The following TRABD2A variants were observed in gnomAD, a reference collection of about 807,000 sequenced individuals.
TRABD2A encodes TraB domain containing 2A, also known as metalloprotease TIKI1.
In TRABD2A, 43 loss-of-function variants were observed where a neutral mutation model predicts 45.6. That is an observed-to-expected ratio of 0.94 (90% CI 0.74 to 1.22). TRABD2A has a LOEUF of 1.22. Among genes scored for constraint, TRABD2A ranks in the 50% most tolerant of loss-of-function variants. The pLI is 0.00. For missense variants in TRABD2A, 642 were observed against 652.4 expected, an observed-to-expected ratio of 0.98 and a Z score of 0.17; for synonymous variants, 269 against 265.0, an observed-to-expected ratio of 1.02 and a Z score of -0.15.
At chr2:84,848,363 TAGATAGATAGATAGACAGAC>T (rs760755788) in intron 2 of TRABD2A, among the ~76,000 whole-genome samples, 2 of 137,424 alleles carry the variant, frequency 1.5e-5, no homozygotes, top group South Asian at 2.3e-4. Flanking sequence ...GATAGATAGA[TAGATAGATAGATAGACAGAC>T]AGACAGACAG....
At chr2:84,850,013 T>A (rs1465908843) in intron 2 of TRABD2A, among the ~76,000 whole-genome samples, 4 of 152,140 alleles carry the variant, frequency 2.6e-5, no homozygotes, top group Non-Finnish European at 5.9e-5. Context: ...AAATTCACAT[T>A]TTAAGTTTCC....
intron 2 of TRABD2A, among the ~76,000 whole-genome samples, chr2:84,855,155 G>A (rs1040786349): frequency 1.3e-5 from 2 of 151,996 alleles, no homozygotes; most frequent in Non-Finnish European, 2.9e-5. Context: ...CTTTAAAATC[G>A]TCCACAAGCA....
intron 2 of TRABD2A, among the ~76,000 whole-genome samples, chr2:84,859,063 C>T (rs1329583051): frequency 3.3e-5 from 5 of 152,194 alleles, no homozygotes; most frequent in Non-Finnish European, 7.3e-5. Flanking sequence ...AGCCACACAC[C>T]GACTACTGCC....
Position 84,870,631 on chromosome 2 carries a change from A to G in TRABD2A, c.263T>C (p.Leu88Ser). ...GATGGTATAGGGGTCTGTGAGATCC[A>G]ACTCAAAGTACACAATGCTGCTCTG... ...FLQSSIVYFELDLTDPYTISA... is the reference protein window; with the variant it reads ...FLQSSIVYFESDLTDPYTISA... Residue 88 changes from leucine (L) to serine (S), a missense_variant, in exon 2 of 7, where the codon TTG becomes TCG. Coordinates refer to ENST00000409520, the MANE Select transcript of TRABD2A (RefSeq NM_001277053.2). 6.2e-7 allele frequency: 1 copy of G among 1,612,848 alleles called. No homozygotes were observed. Among genetic ancestry groups the G allele is most frequent in the Non-Finnish European group, 8.5e-7 (1 of 1,179,426 alleles).
At chr2:84,831,231 C>T (rs540828819) in intron 5 of TRABD2A, among the ~76,000 whole-genome samples, 32 of 152,108 alleles carry the variant, frequency 2.1e-4, no homozygotes, top group African/African-American at 7.2e-4. Context: ...GAAGAGAAGG[C>T]GGCCATCTAC....
intron 2 of TRABD2A, among the ~76,000 whole-genome samples, chr2:84,855,648 C>G (rs973960799): frequency 6.6e-6 from 1 of 152,058 alleles, no homozygotes; most frequent in African/African-American, 2.4e-5. Flanking sequence ...CCCCACGTCC[C>G]CCTTTCCACT....
At chr2:84,863,237 A>ATTTTTTTTTTTTTTT (rs1559095739) in intron 2 of TRABD2A, among the ~76,000 whole-genome samples, 1 of 129,544 alleles carries the variant, frequency 7.7e-6, no homozygotes, top group African/African-American at 3.2e-5. Context: ...CTTCATGTGA[A>ATTTTTTTTTTTTTTT]TCTTTTTTTT....
At chr2:84,861,321 G>A (rs941066359) in intron 2 of TRABD2A, among the ~76,000 whole-genome samples, 4 of 152,066 alleles carry the variant, frequency 2.6e-5, no homozygotes, top group Admixed American at 6.6e-5. Flanking sequence ...AGTAGAATCC[G>A]TAGGAGCCCT....
intron 2 of TRABD2A, among the ~76,000 whole-genome samples, chr2:84,860,331 G>A (rs559015556): frequency 6.6e-5 from 10 of 152,196 alleles, no homozygotes; most frequent in Admixed American, 2.6e-4. Flanking sequence ...TGAAAAGGGC[G>A]GGCCATAATC....
intron 2 of TRABD2A, among the ~76,000 whole-genome samples, chr2:84,857,353 C>A (rs1039816153): frequency 1.3e-5 from 2 of 152,148 alleles, no homozygotes; most frequent in Admixed American, 6.5e-5. Context: ...AGGTAAGTTT[C>A]CTTTACATTT....
intron 4 of TRABD2A, chr2:84,832,992 T>C (rs1449893950): frequency 6.6e-6 from 1 of 152,234 alleles, no homozygotes; most frequent in African/African-American, 2.4e-5. Context: ...AAACCCACTG[T>C]AGTCTCAGGA....
intron 5 of TRABD2A, among the ~76,000 whole-genome samples, chr2:84,825,799 TC>T (rs1681129879): frequency 6.6e-6 from 1 of 151,984 alleles, no homozygotes; most frequent in Non-Finnish European, 1.5e-5. Context: ...GAGCTCCACA[TC>T]CTCTCAGATT....
intron 1 of TRABD2A, among the ~76,000 whole-genome samples, chr2:84,878,302 G>A (rs970864302): frequency 1.3e-5 from 2 of 152,156 alleles, no homozygotes; most frequent in Non-Finnish European, 2.9e-5. Context: ...TGAGGCGGGT[G>A]GATCATGAGG....
chr2:84,837,254 A>G (rs1681546599), intron 4 of TRABD2A: 1 of 152,252 alleles, frequency 6.6e-6, no homozygotes, highest in Non-Finnish European at 1.5e-5. Context: ...TCAGCCTCCC[A>G]AAGTGCTGGG....
intron 2 of TRABD2A, among the ~76,000 whole-genome samples, chr2:84,842,470 A>G (rs76408009): frequency 0.01 from 1,551 of 152,326 alleles, 15 homozygotes; most frequent in Admixed American, 0.019. Context: ...CATTAGATCC[A>G]TGGGATATTA....
At chr2:84,841,658 A>C (rs1681712274) in intron 3 of TRABD2A, among the ~76,000 whole-genome samples, 1 of 152,116 alleles carries the variant, frequency 6.6e-6, no homozygotes, top group Non-Finnish European at 1.5e-5. Flanking sequence ...AACCCTCATC[A>C]ATGCCCCTCT....
In TRABD2A at chr2:84,880,830, G is replaced by A. The variant is rs1047010937; in HGVS notation, c.108+102C>T. On this transcript the variant is annotated intron_variant, in intron 1 of 6. Coordinates refer to ENST00000409520, the MANE Select transcript of TRABD2A (RefSeq NM_001277053.2). ...GCTAGGTGAAAGCCCAGCCGCGGAA[G>A]TCGGCTCGGGGTCCGAAAGCGCTGC... is the stretch of plus-strand genomic sequence containing the variant. The A allele has an allele frequency of 1.3e-5, 19 of 1,507,628 alleles. No individual in the cohort carries two copies. In the East Asian group the frequency reaches 3.8e-4, roughly 30 times the overall value. 93.4% of individuals were successfully genotyped at this position (1,507,628 alleles called of 1,614,324 possible). A position where few individuals can be genotyped will look rare whatever the true frequency, so the allele number is the denominator to read the frequency against.
intron 2 of TRABD2A, among the ~76,000 whole-genome samples, chr2:84,861,772 G>A (rs548258147): frequency 2.6e-5 from 4 of 152,312 alleles, no homozygotes; most frequent in African/African-American, 7.2e-5. Context: ...TCTGCTCAGC[G>A]ATAAACAACC....
At chr2:84,839,750 C>T (rs890618) in intron 3 of TRABD2A, among the ~76,000 whole-genome samples, 35,297 of 152,158 alleles carry the variant, frequency 0.23, 5,104 homozygotes, top group Admixed American at 0.31. Flanking sequence ...TGTATAAACA[C>T]TTAAATGTTT....
Sources: allele counts gnomAD v4.1 joint callset (sites outside exome capture counted in the v4.1 genomes callset), GRCh38; gene constraint gnomAD v4.1.1; transcripts MANE v1.5; gene names NCBI Gene and HGNC (gene_info 2026-07-23, HGNC 2026-07-21).